Variants in LIN7A observed in about 807,000 individuals in gnomAD.
LIN7A encodes the protein protein lin-7 homolog A.
LIN7A carries 25 observed loss-of-function variants against 29.8 expected under a neutral mutation model. The ratio of observed to expected loss-of-function variants is 0.84; its 90% CI spans 0.61 to 1.17. The LOEUF (loss-of-function observed/expected upper bound fraction) is 1.17. Among genes scored for constraint, LIN7A ranks in the 50% most tolerant of loss-of-function variants. The pLI is 0.00. For missense variants in LIN7A, 239 were observed against 287.0 expected (o/e 0.83, Z 1.21); for synonymous variants, 118 against 107.5 (o/e 1.10, Z -0.60).
At chr12:80,822,870 C>T (rs1437701907) in intron 4 of LIN7A, among the ~76,000 whole-genome samples, 1 of 152,098 alleles carries the variant, frequency 6.6e-6, no homozygotes, top group Non-Finnish European at 1.5e-5. Context: ...TGAAGCCCCA[C>T]CTTCAAGCCA....
Position 80,845,820 on chromosome 12 carries a change from G to T in LIN7A, c.393C>A (p.Pro131=), listed in dbSNP as rs1388634312. The change falls in exon 4 of 6, where the codon CCC becomes CCA. Residue 131 remains proline (P), a synonymous_variant. Coordinates refer to ENST00000552864, the MANE Select transcript of LIN7A (RefSeq NM_004664.4). ...NVMGGKEQNS[P]IYISRIIPGG... ...CAGGAATTATGCGAGAGATATAAAT[G>T]GGGGAATTTTGCTCCTTTCCTCCCA... 1 of 1,613,742 alleles carries T rather than the reference G, an allele frequency of 6.2e-7. No homozygotes were observed. The highest frequency in any genetic ancestry group is 1.7e-5 in the Admixed American group (1 of 59,954).
chr12:80,897,565 G>T (rs1190814914), intron 1 of LIN7A, among the ~76,000 whole-genome samples: 1 of 152,112 alleles, frequency 6.6e-6, no homozygotes, highest in Admixed American at 6.6e-5. Context: ...CCAGCACTTT[G>T]AGAGGAGAGG....
intron 1 of LIN7A, among the ~76,000 whole-genome samples, chr12:80,928,617 A>G (rs747251525): frequency 7.6e-4 from 116 of 152,212 alleles, no homozygotes; most frequent in Non-Finnish European, 1.2e-3. Context: ...GGTAGATTGC[A>G]AAAATTTTCT....
intron 1 of LIN7A, among the ~76,000 whole-genome samples, chr12:80,918,917 A>G (rs1299284847): frequency 6.6e-6 from 1 of 152,196 alleles, no homozygotes; most frequent in African/African-American, 2.4e-5. Context: ...CTATATTCAG[A>G]TACACAAACA....
chr12:80,811,674 C>T lies in LIN7A; in HGVS notation c.493G>A (p.Gly165Arg). ...TCCACAGCTTTCTCATGGTGTTCTC[C>T]TTCCACACTCTGAAAATACAATGAC... ...LLSVNGVSVE[G>R]EHHEKAVELL... The change falls in exon 5 of 6, where the codon GGA becomes AGA. Residue 165 changes from glycine (G) to arginine (R), a missense_variant. Transcript: ENST00000552864. 6.2e-7 allele frequency: 1 copy of T among 1,607,860 alleles called. No individual in the cohort carries two copies. The highest frequency in any genetic ancestry group is 8.5e-7 in the Non-Finnish European group (1 of 1,174,764).
intron 1 of LIN7A, among the ~76,000 whole-genome samples, chr12:80,935,417 A>G (rs936353384): frequency 4.6e-5 from 7 of 152,190 alleles, no homozygotes; most frequent in African/African-American, 1.7e-4. Context: ...GCACAGTGTT[A>G]GAATCATCTA....
chr12:80,935,121 A>G (rs573820318), intron 1 of LIN7A, among the ~76,000 whole-genome samples: 2 of 152,328 alleles, frequency 1.3e-5, no homozygotes, highest in African/African-American at 4.8e-5. Context: ...CACCAACTTA[A>G]CATTATTTTT....
intron 1 of LIN7A, among the ~76,000 whole-genome samples, chr12:80,915,755 T>C (rs1877001283): frequency 6.6e-6 from 1 of 152,220 alleles, no homozygotes; most frequent in Non-Finnish European, 1.5e-5. Context: ...TAAGCTATTA[T>C]CCTAAGCAAA....
At chr12:80,922,201 A>G (rs538512085) in intron 1 of LIN7A, among the ~76,000 whole-genome samples, 1 of 152,360 alleles carries the variant, frequency 6.6e-6, no homozygotes, top group African/African-American at 2.4e-5. Context: ...CTAGAAAAAT[A>G]TAGCATTACT....
Position 80,927,424 on chromosome 12 carries a change from C to A in LIN7A, c.82+10217G>T, listed in dbSNP as rs184123223. ...TTGGCCTCCCAAAGTGCTGGGATTG[C>A]AGGCGTGAGCCACCACGCCCGGCCA... On this transcript the variant is annotated intron_variant, in intron 1 of 5. Transcript: ENST00000552864. 4.8e-3 allele frequency among the ~76,000 whole-genome samples: 737 copies of A among 152,276 alleles called. 3 individuals are homozygous for A. The highest frequency in any genetic ancestry group is 0.017 in the African/African-American group (700 of 41,572).
intron 1 of LIN7A, among the ~76,000 whole-genome samples, chr12:80,894,349 C>G (rs1875775657): frequency 6.6e-6 from 1 of 152,088 alleles, no homozygotes; most frequent in Non-Finnish European, 1.5e-5. Context: ...GATTATTTTC[C>G]TAGAACCTAC....
intron 1 of LIN7A, among the ~76,000 whole-genome samples, chr12:80,901,521 G>T (rs1201396960): frequency 7.7e-6 from 1 of 129,880 alleles, no homozygotes; most frequent in African/African-American, 2.5e-5. Context: ...CCATCTGTGC[G>T]CATTGTAAAA....
At chr12:80,891,339 T>G (rs981273584) in intron 1 of LIN7A, among the ~76,000 whole-genome samples, 3 of 152,194 alleles carry the variant, frequency 2.0e-5, no homozygotes, top group African/African-American at 7.2e-5. Flanking sequence ...CAGAGTAAAG[T>G]TCAGAGCACT....
intron 2 of LIN7A, among the ~76,000 whole-genome samples, chr12:80,873,417 T>C (rs1874519762): frequency 6.6e-6 from 1 of 151,566 alleles, no homozygotes; most frequent in South Asian, 2.1e-4. Context: ...CCTGTAGTTC[T>C]AACTACTCAG....
chr12:80,922,671 C>A (rs982725663), intron 1 of LIN7A, among the ~76,000 whole-genome samples: 1 of 152,022 alleles, frequency 6.6e-6, no homozygotes, highest in African/African-American at 2.4e-5. Context: ...TACAGTAATC[C>A]CCCCTTATCC....
chr12:80,900,064 C>T (rs1298044169), intron 1 of LIN7A, among the ~76,000 whole-genome samples: 1 of 152,052 alleles, frequency 6.6e-6, no homozygotes, highest in Non-Finnish European at 1.5e-5. Context: ...TAGAGCTGTT[C>T]ATAGTACTCT....
chr12:80,885,905 C>A (rs960650866), intron 2 of LIN7A, among the ~76,000 whole-genome samples: 2 of 152,078 alleles, frequency 1.3e-5, no homozygotes, highest in Non-Finnish European at 2.9e-5. Flanking sequence ...ATAATAATAA[C>A]TACTGTTACA....
rs374349839 is a variant in LIN7A at position 80,807,063 on chromosome 12, G to GTTTTTTTTTGTTTT, written c.*4401_*4402insAAAACAAAAAAAAA. ...CCATAGGAAATTTAATGAAGATGGA[G>GTTTTTTTTTGTTTT]TTTTTTTTTTTTTTTTTTTTTTTTT... On this transcript the variant is annotated intron_variant, in intron 5 of 5. Coordinates refer to ENST00000552864, the MANE Select transcript of LIN7A (RefSeq NM_004664.4). Among the ~76,000 whole-genome samples the GTTTTTTTTTGTTTT allele has an allele frequency of 6.6e-3, 355 of 53,540 alleles. 39 individuals carry two copies. Among genetic ancestry groups the GTTTTTTTTTGTTTT allele is most frequent in the Admixed American group, 0.021 (93 of 4,492 alleles). The allele number at this position is 53,540 out of a possible 152,430, so 35.1% of individuals were successfully genotyped here.
At chr12:80,924,326 T>C (rs1877465156) in intron 1 of LIN7A, among the ~76,000 whole-genome samples, 1 of 152,220 alleles carries the variant, frequency 6.6e-6, no homozygotes, top group African/African-American at 2.4e-5. Context: ...GAACTGCAAT[T>C]CAAATCCATA....
Sources: gnomAD v4.1 joint callset for allele counts (sites outside exome capture counted in the v4.1 genomes callset) on GRCh38, gnomAD v4.1.1 for gene constraint, MANE v1.5 for transcripts, NCBI Gene and HGNC (gene_info 2026-07-23, HGNC 2026-07-21) for gene names.